Variants in TAFA2 observed in about 807,000 individuals in gnomAD.
TAFA2 encodes chemokine-like protein TAFA-2.
In TAFA2, 7 loss-of-function variants were observed where a neutral mutation model predicts 18.8. The ratio of observed to expected loss-of-function variants is 0.37; its 90% CI spans 0.21 to 0.70. The LOEUF (loss-of-function observed/expected upper bound fraction) is 0.70. Ranked by LOEUF, TAFA2 falls within the 30% of genes least tolerant of loss-of-function variation. The pLI, the probability that TAFA2 is intolerant of heterozygous loss-of-function variation, is 0.53. For synonymous variants in TAFA2, 60 were observed against 54.2 expected (o/e 1.11, Z -0.47); for missense variants, 122 against 158.1 (o/e 0.77, Z 1.23).
intron 1 of TAFA2, 26 bp from the exon 2 acceptor site, chr12:61,867,452 C>T: frequency 7.4e-7 from 1 of 1,348,624 alleles, no homozygotes; most frequent in Non-Finnish European, 1.1e-6. Flanking sequence ...TAATAAAAAT[C>T]ATAAGTATGC....
At chr12:62,142,141 C>T (rs2062244988) in intron 1 of TAFA2, among the ~76,000 whole-genome samples, 1 of 152,118 alleles carries the variant, frequency 6.6e-6, no homozygotes, top group Admixed American at 6.6e-5. Flanking sequence ...TAACTTGCCA[C>T]TTTATAAGCT....
chr12:62,110,417 A>C (rs553231012), intron 1 of TAFA2, among the ~76,000 whole-genome samples: 2 of 152,222 alleles, frequency 1.3e-5, no homozygotes, highest in African/African-American at 4.8e-5. Flanking sequence ...GATGTTCATC[A>C]GGGATATTGG....
chr12:62,022,102 C>G (rs914298303), intron 1 of TAFA2: 52 of 508,994 alleles, frequency 1.0e-4, no homozygotes, highest in African/African-American at 9.5e-4. Flanking sequence ...GTTCCCCAAC[C>G]CACTGGCCCT....
intron 1 of TAFA2, among the ~76,000 whole-genome samples, chr12:61,998,484 AT>A (rs1354272429): frequency 6.6e-6 from 1 of 152,172 alleles, no homozygotes; most frequent in Admixed American, 6.6e-5. Flanking sequence ...TTTAACCAAA[AT>A]TTCAGATATT....
At chr12:61,951,006 C>G (rs983402106) in intron 1 of TAFA2, among the ~76,000 whole-genome samples, 31 of 152,214 alleles carry the variant, frequency 2.0e-4, no homozygotes, top group African/African-American at 5.8e-4. Flanking sequence ...TACAATTTAG[C>G]AAACATTCAC....
At chr12:62,042,114 G>A (rs763830907) in intron 1 of TAFA2, among the ~76,000 whole-genome samples, 33 of 151,986 alleles carry the variant, frequency 2.2e-4, no homozygotes, top group Admixed American at 5.9e-4. Flanking sequence ...CTCCATTGTG[G>A]CAACTCCTTC....
chr12:62,059,365 T>C (rs1185756633), intron 1 of TAFA2, among the ~76,000 whole-genome samples: 1 of 152,062 alleles, frequency 6.6e-6, no homozygotes, highest in Non-Finnish European at 1.5e-5. Context: ...ACTGCTGCTA[T>C]GGAACGAGCA....
chr12:61,839,617 A>G lies in TAFA2; in HGVS notation c.106+27703T>C, dbSNP rs1251944974. On this transcript the variant is annotated intron_variant, in intron 2 of 4. Coordinates refer to ENST00000416284, the MANE Select transcript of TAFA2 (RefSeq NM_178539.5). ...TTGCAGGAACAGGAGTGCATCTAGA[A>G]GCCATTATTCTAGGCATATTAATGC... 5.3e-5 allele frequency among the ~76,000 whole-genome samples: 8 copies of G among 152,232 alleles called. 1 individual carries two copies. In the East Asian group the frequency reaches 1.6e-3, roughly 30 times the overall value.
intron 4 of TAFA2, among the ~76,000 whole-genome samples, 173 bp from the exon 5 acceptor site, chr12:61,710,590 AC>A (rs1208955262): frequency 6.6e-6 from 1 of 152,154 alleles, no homozygotes; most frequent in African/African-American, 2.4e-5. Context: ...ATAAAAATAT[AC>A]TTTTTTTCTC....
At chr12:62,025,694 T>C (rs1881289747) in intron 1 of TAFA2, among the ~76,000 whole-genome samples, 1 of 152,118 alleles carries the variant, frequency 6.6e-6, no homozygotes, top group South Asian at 2.1e-4. Context: ...TTGCTTTGTG[T>C]AACACTTAGT....
At chr12:61,899,072 T>A (rs1875982825) in intron 1 of TAFA2, among the ~76,000 whole-genome samples, 1 of 152,170 alleles carries the variant, frequency 6.6e-6, no homozygotes, top group Non-Finnish European at 1.5e-5. Flanking sequence ...TCCCAAGAAA[T>A]TCTTCATCTC....
At chr12:61,934,041 A>C (rs1877666294) in intron 1 of TAFA2, among the ~76,000 whole-genome samples, 1 of 152,250 alleles carries the variant, frequency 6.6e-6, no homozygotes, top group African/African-American at 2.4e-5. Context: ...ACACAGCCAG[A>C]AACTGCCTAA....
rs1293010159 is a variant in TAFA2 at position 61,926,970 on chromosome 12, G to A, written c.-1-59544C>T. On this transcript the variant is annotated intron_variant, in intron 1 of 4. Transcript: ENST00000416284. ...CATGCCTGTAGTCCCAGCTACTCGG[G>A]AGGCTGAGGCAGGAGAATTGGTTGA... 2.0e-5 allele frequency among the ~76,000 whole-genome samples: 3 copies of A among 151,472 alleles called. No individual in the cohort carries two copies. The East Asian group carries it at 5.8e-4, about 30-fold the overall frequency.
chr12:62,086,698 C>G (rs554974254), intron 1 of TAFA2, among the ~76,000 whole-genome samples: 236 of 152,036 alleles, frequency 1.6e-3, no homozygotes, highest in African/African-American at 5.5e-3. Flanking sequence ...TTGCTCATTG[C>G]TGGAGGGAAG....
intron 1 of TAFA2, among the ~76,000 whole-genome samples, chr12:61,924,166 C>A (rs1266245221): frequency 6.6e-6 from 1 of 152,106 alleles, no homozygotes; most frequent in African/African-American, 2.4e-5. Context: ...AAACGCACTT[C>A]AAGATATTAT....
At chr12:62,166,676 A>C (rs1177467930) in intron 1 of TAFA2, among the ~76,000 whole-genome samples, 1 of 152,180 alleles carries the variant, frequency 6.6e-6, no homozygotes, top group African/African-American at 2.4e-5. Flanking sequence ...GGATTGTCCC[A>C]GTGATCCCAA....
chr12:62,182,544 C>T (rs1388661981), intron 1 of TAFA2, among the ~76,000 whole-genome samples: 2 of 152,226 alleles, frequency 1.3e-5, no homozygotes, highest in Non-Finnish European at 2.9e-5. Flanking sequence ...AAGGCAGAAT[C>T]TCAGGCCCTC....
intron 2 of TAFA2, among the ~76,000 whole-genome samples, chr12:61,792,205 G>A (rs563069561): frequency 3.3e-5 from 5 of 151,552 alleles, no homozygotes; most frequent in African/African-American, 1.2e-4. Flanking sequence ...GATTACCTGA[G>A]ACTGTGAAGG....
At chr12:61,824,739 G>A (rs1182130633) in intron 2 of TAFA2, among the ~76,000 whole-genome samples, 2 of 152,072 alleles carry the variant, frequency 1.3e-5, no homozygotes, top group African/African-American at 4.8e-5. Flanking sequence ...CTATATATTT[G>A]ATGTACTCCT....
Sources: allele counts gnomAD v4.1 joint callset (sites outside exome capture counted in the v4.1 genomes callset), GRCh38; gene constraint gnomAD v4.1.1; transcripts MANE v1.5; gene names NCBI Gene and HGNC (gene_info 2026-07-23, HGNC 2026-07-21).